Variants in CTNNA2 observed in about 807,000 individuals in gnomAD.
CTNNA2 encodes the protein catenin alpha 2, also known as catenin alpha-2.
Under a neutral mutation model 101.0 loss-of-function variants are expected in CTNNA2, and 42 were observed. The observed-to-expected ratio is 0.42, with a 90% confidence interval of 0.32 to 0.54. The LOEUF (loss-of-function observed/expected upper bound fraction) is 0.54, where lower values mean the gene tolerates loss of function less well. CTNNA2 is among the 20% of genes least tolerant of loss of function. The probability of loss-of-function intolerance (pLI) is 0.14; values close to 1 mark genes in which losing one functional copy is unlikely to be tolerated. For synonymous variants in CTNNA2, 450 were observed against 456.4 expected, an observed-to-expected ratio of 0.99 and a Z score of 0.18; for missense variants, 871 against 1,223.1, an observed-to-expected ratio of 0.71 and a Z score of 4.29.
chr2:79,950,897 G>A lies in CTNNA2; in HGVS notation c.1056+41100G>A, dbSNP rs1688835170. 2.0e-5 allele frequency among the ~76,000 whole-genome samples: 3 copies of A among 149,272 alleles called. No homozygotes were observed. In the Admixed American group the frequency reaches 2.1e-4, roughly 10 times the overall value. On this transcript the variant is annotated intron_variant, in intron 7 of 18. Transcript: ENST00000402739. ...GCACTGCGCTTCTGACTCAGAACAA[G>A]CAGCATCATTTGTAGAGTCAGTCTA...
At chr2:79,853,761 C>T (rs775705030) in intron 3 of CTNNA2, among the ~76,000 whole-genome samples, 10 of 151,226 alleles carry the variant, frequency 6.6e-5, no homozygotes, top group African/African-American at 9.7e-5. Context: ...ATTCACCTCC[C>T]GGGTTCAAGT....
intron 3 of CTNNA2, among the ~76,000 whole-genome samples, chr2:79,754,797 A>G (rs1401796925): frequency 2.0e-5 from 3 of 151,944 alleles, no homozygotes; most frequent in Non-Finnish European, 4.4e-5. Context: ...ATGTTCTAGT[A>G]TGGGTTCTTG....
At chr2:80,489,659 A>G (rs1686880050) in intron 9 of CTNNA2, among the ~76,000 whole-genome samples, 1 of 152,232 alleles carries the variant, frequency 6.6e-6, no homozygotes, top group Non-Finnish European at 1.5e-5. Context: ...TTTTAATAGA[A>G]CTGGGTTCTA....
chr2:79,395,884 G>A (rs781560709), intron 4 of CTNNA2, among the ~76,000 whole-genome samples: 3 of 152,062 alleles, frequency 2.0e-5, no homozygotes, highest in South Asian at 2.1e-4. Context: ...ATTATAACAG[G>A]CCTCTTGGCA....
At chr2:80,091,754 T>C (rs926254984) in intron 7 of CTNNA2, among the ~76,000 whole-genome samples, 1 of 151,832 alleles carries the variant, frequency 6.6e-6, no homozygotes, top group African/African-American at 2.4e-5. Context: ...GAGCACGAAA[T>C]AGTTTCAGGT....
In CTNNA2 at chr2:79,804,108, C is replaced by T. The variant is rs1676377236; in HGVS notation, c.299-53905C>T. 3.9e-5 allele frequency among the ~76,000 whole-genome samples: 6 copies of T among 152,254 alleles called. No homozygotes were observed. In the South Asian group the frequency reaches 1.2e-3, roughly 32 times the overall value. On this transcript the variant is annotated intron_variant, in intron 3 of 18. Transcript: ENST00000402739. Reference sequence around the variant, plus strand: ...GATCAGAAATGCTTATTTCTTCCAACAAATAAGTTAAAATTGTAATCTCAA... The same window carrying T: ...GATCAGAAATGCTTATTTCTTCCAATAAATAAGTTAAAATTGTAATCTCAA...
chr2:79,484,347 A>C (rs1671138675), intron 4 of CTNNA2, among the ~76,000 whole-genome samples: 1 of 152,152 alleles, frequency 6.6e-6, no homozygotes, highest in South Asian at 2.1e-4. Context: ...ACTCATGTAG[A>C]TTGCCAATCC....
intron 2 of CTNNA2, among the ~76,000 whole-genome samples, chr2:79,221,863 C>T (rs1370790741): frequency 6.6e-6 from 1 of 152,080 alleles, no homozygotes; most frequent in African/African-American, 2.4e-5. Flanking sequence ...TACCACCAGC[C>T]CAGGAGGGTA....
intron 1 of CTNNA2, among the ~76,000 whole-genome samples, chr2:79,187,235 TTTTTCTTTTCTTTTCTTTTC>T (rs772642908): frequency 1.6e-5 from 2 of 123,412 alleles, no homozygotes; most frequent in South Asian, 2.5e-4. Context: ...AAGACACTTC[TTTTTCTTTTCTTTTCTTTTC>T]TTTTCTTTTC....
chr2:80,548,292 A>G (rs1342546221), intron 11 of CTNNA2, among the ~76,000 whole-genome samples: 1 of 152,108 alleles, frequency 6.6e-6, no homozygotes, highest in African/African-American at 2.4e-5. Context: ...TCTACCTTCA[A>G]ATCAATAGGA....
chr2:80,545,478 C>T (rs537029259), intron 10 of CTNNA2, among the ~76,000 whole-genome samples: 29 of 152,184 alleles, frequency 1.9e-4, no homozygotes, highest in African/African-American at 6.3e-4. Context: ...CTCAGGAGTT[C>T]GAGGCTGCAG....
At position 79,970,090 on chromosome 2, in the gene CTNNA2, A is replaced by G. The variant is rs138026404; in HGVS notation, c.1056+60293A>G. On this transcript the variant is annotated intron_variant, in intron 7 of 18. Transcript: ENST00000402739. ...TAGGTGCATACTCCTAGTAGGGGTA[A>G]GCATTTATGCCCTCATGAACTAATG... Among the ~76,000 whole-genome samples the G allele has an allele frequency of 1.4e-3, 206 of 152,318 alleles. 1 individual carries two copies. The highest frequency in any genetic ancestry group is 4.7e-3 in the African/African-American group (196 of 41,574).
intron 12 of CTNNA2, among the ~76,000 whole-genome samples, chr2:80,565,557 C>T (rs181176999): frequency 6.6e-6 from 1 of 150,922 alleles, no homozygotes; most frequent in African/African-American, 2.4e-5. Context: ...GTGGTTGTAC[C>T]TCCAAGTTCT....
intron 7 of CTNNA2, among the ~76,000 whole-genome samples, chr2:80,042,742 G>A (rs1696151036): frequency 1.3e-5 from 2 of 152,194 alleles, no homozygotes; most frequent in South Asian, 4.1e-4. Flanking sequence ...AGGGGTTAGA[G>A]GGATTTGTGA....
intron 2 of CTNNA2, among the ~76,000 whole-genome samples, chr2:79,712,635 G>A (rs1685816606): frequency 6.6e-6 from 1 of 152,040 alleles, no homozygotes; most frequent in Non-Finnish European, 1.5e-5. Context: ...CTAAGGGAGA[G>A]TGAAGAATGG....
At chr2:80,408,885 G>A (rs1460324049) in intron 8 of CTNNA2, among the ~76,000 whole-genome samples, 2 of 152,142 alleles carry the variant, frequency 1.3e-5, no homozygotes, top group Non-Finnish European at 2.9e-5. Flanking sequence ...TATGCAACCA[G>A]AGGATCCTCT....
intron 7 of CTNNA2, among the ~76,000 whole-genome samples, chr2:80,150,843 AC>A (rs1486048210): frequency 3.9e-5 from 6 of 151,990 alleles, no homozygotes; most frequent in African/African-American, 1.5e-4. Flanking sequence ...AAAATATATC[AC>A]CCTTTTATTT....
intron 7 of CTNNA2, among the ~76,000 whole-genome samples, chr2:79,943,983 A>G (rs1574373591): frequency 1.3e-5 from 2 of 152,310 alleles, no homozygotes; most frequent in Admixed American, 1.3e-4. Context: ...GAATGAGTTC[A>G]CCCATTAATT....
At chr2:80,006,484 A>G (rs1693359351) in intron 7 of CTNNA2, among the ~76,000 whole-genome samples, 1 of 152,134 alleles carries the variant, frequency 6.6e-6, no homozygotes, top group Non-Finnish European at 1.5e-5. Flanking sequence ...CCACACTCAT[A>G]CAAAACCATG....
Sources: gnomAD v4.1 joint callset for allele counts (sites outside exome capture counted in the v4.1 genomes callset) on GRCh38, gnomAD v4.1.1 for gene constraint, MANE v1.5 for transcripts, NCBI Gene and HGNC (gene_info 2026-07-23, HGNC 2026-07-21) for gene names.